GIPC2: variants seen among roughly 807,000 people sequenced by gnomAD.
The protein encoded by GIPC2 is GIPC PDZ domain containing family member 2, also known as PDZ domain-containing protein GIPC2.
GIPC2 carries 30 observed loss-of-function variants against 30.6 expected under a neutral mutation model. The ratio of observed to expected loss-of-function variants is 0.98; its 90% CI spans 0.73 to 1.33. The LOEUF (loss-of-function observed/expected upper bound fraction) is 1.33, where lower values mean the gene tolerates loss of function less well. Ranked by LOEUF, GIPC2 falls within the 40% of genes most tolerant of loss-of-function variation. GIPC2 has a pLI of 0.00. For missense variants in GIPC2, 414 were observed against 390.3 expected, an observed-to-expected ratio of 1.06 and a Z score of -0.51; for synonymous variants, 167 against 150.0, an observed-to-expected ratio of 1.11 and a Z score of -0.83.
At chr1:78,115,782 A>G (rs1571519895) in intron 3 of GIPC2, among the ~76,000 whole-genome samples, 1 of 152,332 alleles carries the variant, frequency 6.6e-6, no homozygotes, top group East Asian at 1.9e-4. Context: ...AGGCGGGGCT[A>G]GTGTACTAAT....
chr1:78,054,917 T>C (rs77457922), intron 1 of GIPC2, among the ~76,000 whole-genome samples: 2,557 of 152,272 alleles, frequency 0.017, 88 homozygotes, highest in African/African-American at 0.059. Context: ...TGTAGGTTAA[T>C]AGCCAGCCCC....
chr1:78,095,202 G>A (rs768354606), intron 3 of GIPC2, 70 bp downstream of exon 3: 18 of 1,029,394 alleles, frequency 1.7e-5, no homozygotes, highest in Non-Finnish European at 2.7e-5. Context: ...TAAGGGAAAT[G>A]AGTACTGTGA....
intron 5 of GIPC2, among the ~76,000 whole-genome samples, chr1:78,126,654 G>A (rs1302842357): frequency 6.6e-6 from 1 of 152,098 alleles, no homozygotes; most frequent in African/African-American, 2.4e-5. Context: ...CTGTCATCAG[G>A]ATATGATTTC....
In GIPC2 at chr1:78,105,408, T is replaced by C. The variant is rs609046; in HGVS notation, c.607+10276T>C. Among the ~76,000 whole-genome samples, 741 of 151,740 alleles carry C rather than the reference T, an allele frequency of 4.9e-3. 5 individuals carry two copies. Among genetic ancestry groups the C allele is most frequent in the Non-Finnish European group, 7.3e-3 (498 of 67,910 alleles). ...TTCAAGCCATTCTCCTGCCTCAGCC[T>C]CCTGAGTAGCTGGGACTACAGACAC... On this transcript the variant is annotated intron_variant, in intron 3 of 5. Coordinates refer to ENST00000370759, the MANE Select transcript of GIPC2 (RefSeq NM_017655.6).
chr1:78,059,698 G>A (rs1423838880), intron 1 of GIPC2, among the ~76,000 whole-genome samples: 1 of 152,140 alleles, frequency 6.6e-6, no homozygotes, highest in Admixed American at 6.5e-5. Flanking sequence ...TGAGCCCAGG[G>A]AGGTTGAGGC....
intron 5 of GIPC2, among the ~76,000 whole-genome samples, chr1:78,132,015 A>G (rs1053544366): frequency 6.6e-6 from 1 of 152,228 alleles, no homozygotes; most frequent in Non-Finnish European, 1.5e-5. Flanking sequence ...CTCTTACCAC[A>G]GTACCTCTCC....
chr1:78,053,745 TAAAAAAA>T (rs11384461), intron 1 of GIPC2, among the ~76,000 whole-genome samples: 1 of 88,680 alleles, frequency 1.1e-5, no homozygotes, highest in Non-Finnish European at 2.0e-5. Context: ...CCCTGCCTCT[TAAAAAAA>T]AAAAAAAAAA....
At chr1:78,055,376 T>C (rs1661269721) in intron 1 of GIPC2, among the ~76,000 whole-genome samples, 1 of 152,152 alleles carries the variant, frequency 6.6e-6, no homozygotes, top group African/African-American at 2.4e-5. Flanking sequence ...TATTAAAATG[T>C]ATAGGGAGGT....
At chr1:78,081,474 T>C (rs1661827766) in intron 2 of GIPC2, among the ~76,000 whole-genome samples, 1 of 152,192 alleles carries the variant, frequency 6.6e-6, no homozygotes, top group South Asian at 2.1e-4. Context: ...ATTTAAAGTA[T>C]ATAGAAGGAT....
chr1:78,085,498 C>A (rs1055868003), intron 2 of GIPC2, among the ~76,000 whole-genome samples: 1 of 151,006 alleles, frequency 6.6e-6, no homozygotes, highest in Non-Finnish European at 1.5e-5. Flanking sequence ...GGAATGGCAC[C>A]AGCTTTTCTT....
intron 3 of GIPC2, among the ~76,000 whole-genome samples, chr1:78,117,818 T>C (rs1662596733): frequency 6.6e-6 from 1 of 152,232 alleles, no homozygotes; most frequent in African/African-American, 2.4e-5. Flanking sequence ...TAGATCTCTT[T>C]TGTTTTTGCC....
chr1:78,118,027 A>G (rs1323724707), intron 3 of GIPC2, among the ~76,000 whole-genome samples: 5 of 151,586 alleles, frequency 3.3e-5, no homozygotes, highest in Non-Finnish European at 7.4e-5. Context: ...AGCTCAAGCT[A>G]TCCTCCCATC....
rs1662036720 is a variant in GIPC2, at chr1:78,091,470, C to T, written c.427-3482C>T. On this transcript the variant is annotated intron_variant, in intron 2 of 5. Coordinates refer to ENST00000370759, the MANE Select transcript of GIPC2 (RefSeq NM_017655.6). ...TGCCTGGCTTGGTGGCTGGCTCTAC[C>T]TTCCCTGTTTTCACCTCCCGCTGCG... 3.1e-5 allele frequency: 20 copies of T among 641,256 alleles called. No homozygotes were observed. In the South Asian group the frequency reaches 3.4e-4, roughly 11 times the overall value. The allele number at this position is 641,256 out of a possible 1,614,324, so 39.7% of individuals were successfully genotyped here.
chr1:78,126,459 G>C (rs1247821769), intron 5 of GIPC2, among the ~76,000 whole-genome samples: 1 of 151,998 alleles, frequency 6.6e-6, no homozygotes, highest in Non-Finnish European at 1.5e-5. Flanking sequence ...TCATTAGGCT[G>C]TCAGGGTCTT....
At chr1:78,092,035 C>G (rs1261611697) in intron 2 of GIPC2, 5 of 1,530,276 alleles carry the variant, frequency 3.3e-6, no homozygotes, top group Non-Finnish European at 3.6e-6. Flanking sequence ...TCATCGCCCT[C>G]CTGTCTACTG....
intron 5 of GIPC2, among the ~76,000 whole-genome samples, chr1:78,126,599 C>T (rs973958591): frequency 3.3e-5 from 5 of 151,964 alleles, no homozygotes; most frequent in African/African-American, 9.7e-5. Flanking sequence ...AAAAGTCTAG[C>T]GCTAGACCTT....
intron 1 of GIPC2, among the ~76,000 whole-genome samples, chr1:78,065,986 A>G (rs984141643): frequency 1.3e-5 from 2 of 152,266 alleles, no homozygotes; most frequent in African/African-American, 2.4e-5. Context: ...GGAATGGGCA[A>G]AGATTTCATG....
At position 78,046,152 on chromosome 1, in the gene GIPC2, G is replaced by C. The variant is rs1661066818; in HGVS notation, c.58G>C (p.Val20Leu). 5 of 1,548,796 alleles carry C rather than the reference G, an allele frequency of 3.2e-6. No individual in the cohort carries two copies. The East Asian group carries it at 1.2e-4, about 38-fold the overall frequency. Reference sequence around the variant, plus strand: ...CAAGTCCAAGGAGACCGCCGGGCTGGTGGAGGGCGAGCCGACGGGCGCGGG... The same window carrying C: ...CAAGTCCAAGGAGACCGCCGGGCTGCTGGAGGGCGAGCCGACGGGCGCGGG... The part of the protein sequence containing the change: ...KAKSKETAGL[V>L]EGEPTGAGGG... The change falls in exon 1 of 6, where the codon GTG becomes CTG. Residue 20 changes from valine (V) to leucine (L), a missense_variant. By Grantham distance (32) the Val-to-Leu change is conservative. Coordinates refer to ENST00000370759, the MANE Select transcript of GIPC2 (RefSeq NM_017655.6).
intron 1 of GIPC2, 149 bp downstream of exon 1, chr1:78,046,483 A>G: frequency 1.4e-6 from 1 of 722,448 alleles, no homozygotes; most frequent in Non-Finnish European, 2.3e-6. Context: ...TCCCGGGGGA[A>G]AGTGAGTGTG....
Sources: allele counts gnomAD v4.1 joint callset (sites outside exome capture counted in the v4.1 genomes callset), GRCh38; gene constraint gnomAD v4.1.1; transcripts MANE v1.5; gene names NCBI Gene and HGNC (gene_info 2026-07-23, HGNC 2026-07-21).